The following PSMD1 variants were observed in gnomAD, a reference collection of about 807,000 sequenced individuals.
The protein encoded by PSMD1 is 26S proteasome non-ATPase regulatory subunit 1.
A neutral mutation model predicts 119.0 loss-of-function variants in PSMD1; 18 were observed. The ratio of observed to expected loss-of-function variants is 0.15; its 90% CI spans 0.10 to 0.22. PSMD1 has a LOEUF of 0.22. Among genes scored for constraint, PSMD1 ranks in the 10% least tolerant of loss-of-function variants. The probability of loss-of-function intolerance (pLI) is 1.00; values close to 1 mark genes in which losing one functional copy is unlikely to be tolerated. For synonymous variants in PSMD1, 374 were observed against 396.6 expected, an observed-to-expected ratio of 0.94 and a Z score of 0.68; for missense variants, 702 against 1,158.5, an observed-to-expected ratio of 0.61 and a Z score of 5.72.
intron 16 of PSMD1, 27 bp from the exon 17 acceptor site, chr2:231,138,709 G>A (rs1696031217): frequency 1.3e-6 from 2 of 1,537,342 alleles, no homozygotes; most frequent in East Asian, 4.5e-5. Context: ...ACCTATAACA[G>A]TGGCTTCGCT....
intron 20 of PSMD1, chr2:231,163,071 A>C (rs2125268413): frequency 6.6e-6 from 1 of 150,940 alleles, no homozygotes; most frequent in Admixed American, 6.6e-5. Flanking sequence ...TGCACTCCAG[A>C]GCCTGGGCAA....
chr2:231,080,002 TATATG>T, intron 11 of PSMD1, 134 bp from the exon 12 acceptor site: 1 of 688,876 alleles, frequency 1.5e-6, no homozygotes, highest in Non-Finnish European at 2.3e-6. Flanking sequence ...GTTATACAAT[TATATG>T]AGAGAGAGCC....
At chr2:231,133,678 T>G (rs1461644946) in intron 16 of PSMD1, 1 of 152,224 alleles carries the variant, frequency 6.6e-6, no homozygotes, top group Non-Finnish European at 1.5e-5. Context: ...TTTAGAATAG[T>G]GTTTCTGCCT....
chr2:231,071,126 C>T (rs964502946), intron 6 of PSMD1, among the ~76,000 whole-genome samples: 8 of 151,788 alleles, frequency 5.3e-5, no homozygotes, highest in East Asian at 3.9e-4. Flanking sequence ...CATAGGTTTT[C>T]GGAGTTTTGT....
chr2:231,113,608 T>C, intron 16 of PSMD1: 1 of 838,858 alleles, frequency 1.2e-6, no homozygotes, highest in Non-Finnish European at 2.1e-6. Flanking sequence ...TATGTTAATG[T>C]ATCAGTAGGC....
chr2:231,078,642 T>C lies in PSMD1; in HGVS notation c.1072-17T>C. 1 of 1,586,300 alleles carries C rather than the reference T, an allele frequency of 6.3e-7. No homozygotes were observed. Among genetic ancestry groups the C allele is most frequent in the Non-Finnish European group, 8.6e-7 (1 of 1,166,914 alleles). ...TACTTTGCCAGTGATGAAACAATTC[T>C]GTATTTGTTGTTGCAGGATGCAGTA... On this transcript the variant is annotated splice_polypyrimidine_tract_variant and intron_variant, in intron 9 of 24. Coordinates refer to ENST00000308696, the MANE Select transcript of PSMD1 (RefSeq NM_002807.4).
intron 16 of PSMD1, among the ~76,000 whole-genome samples, chr2:231,106,831 G>A (rs570684706): frequency 1.3e-5 from 2 of 152,252 alleles, no homozygotes; most frequent in South Asian, 4.1e-4. Flanking sequence ...CAACTCTGGT[G>A]TATAGATTTC....
chr2:231,089,833 A>G (rs1229010164), intron 16 of PSMD1, among the ~76,000 whole-genome samples: 1 of 152,080 alleles, frequency 6.6e-6, no homozygotes, highest in Non-Finnish European at 1.5e-5. Context: ...ATTCCCTGAG[A>G]GCTGATTAGA....
At chr2:231,083,863 T>A in intron 14 of PSMD1, 100 bp downstream of exon 14, 1 of 1,177,010 alleles carries the variant, frequency 8.5e-7, no homozygotes, top group Non-Finnish European at 1.2e-6. Context: ...AACATGTAGG[T>A]ACACTTATTC....
intron 16 of PSMD1, among the ~76,000 whole-genome samples, chr2:231,090,831 C>T (rs722040): frequency 0.49 from 74,803 of 152,028 alleles, 21,836 homozygotes; most frequent in African/African-American, 0.81. Context: ...AGAACTAGAA[C>T]TAGAAATGGA....
At chr2:231,129,953 A>T (rs988239337) in intron 16 of PSMD1, among the ~76,000 whole-genome samples, 1 of 152,094 alleles carries the variant, frequency 6.6e-6, no homozygotes, top group East Asian at 1.9e-4. Flanking sequence ...TCCCGGGTTT[A>T]AACAGTTCTC....
Position 231,098,543 on chromosome 2 carries a change from T to C in PSMD1, c.1883+11362T>C, listed in dbSNP as rs111866713. Among the ~76,000 whole-genome samples, 1,203 of 149,602 alleles carry C rather than the reference T, an allele frequency of 8.0e-3. 22 individuals carry two copies. The highest frequency in any genetic ancestry group is 0.028 in the African/African-American group (1,152 of 40,694). On this transcript the variant is annotated intron_variant, in intron 16 of 24. Transcript: ENST00000308696. ...CTTCTCTTTCTCTCTCTGCCTCTCTTTCCCCTTTCTCTTCTCTCTCTCTCT... is the reference window on the plus strand; with the variant it reads ...CTTCTCTTTCTCTCTCTGCCTCTCTCTCCCCTTTCTCTTCTCTCTCTCTCT...
At chr2:231,069,146 T>G (rs1034877031) in intron 5 of PSMD1, among the ~76,000 whole-genome samples, 6 of 150,624 alleles carry the variant, frequency 4.0e-5, no homozygotes, top group Admixed American at 6.6e-5. Context: ...GAACAAGCAG[T>G]CAAACAAATA....
At chr2:231,086,684 C>G (rs1694451456) in intron 15 of PSMD1, among the ~76,000 whole-genome samples, 1 of 152,012 alleles carries the variant, frequency 6.6e-6, no homozygotes, top group South Asian at 2.1e-4. Flanking sequence ...GAAAAGTAAC[C>G]CTGAATCTTA....
chr2:231,154,030 T>C (rs1696426459), intron 19 of PSMD1, among the ~76,000 whole-genome samples: 1 of 151,976 alleles, frequency 6.6e-6, no homozygotes, highest in African/African-American at 2.4e-5. Context: ...GGAGTATCAC[T>C]TGAACCCAGG....
intron 16 of PSMD1, among the ~76,000 whole-genome samples, chr2:231,129,568 A>G (rs983287241): frequency 3.3e-5 from 5 of 152,234 alleles, no homozygotes; most frequent in African/African-American, 4.8e-5. Flanking sequence ...ATGACAACAA[A>G]TAAATTCTCT....
At chr2:231,161,317 A>G (rs758331541) in intron 19 of PSMD1, 23 bp from the exon 20 acceptor site, 31 of 1,565,606 alleles carry the variant, frequency 2.0e-5, no homozygotes, top group Non-Finnish European at 2.5e-5. Flanking sequence ...ATTATTGTTC[A>G]TGGTTTCTCT....
rs1315495825 is a variant in PSMD1, at chr2:231,165,908, A to G, written c.2606A>G (p.Lys869Arg). The part of the protein sequence containing the change: ...AEKKEEKEKK[K>R]EPEPNFQLLD... ...AAAAAGGAGGAAAAAGAGAAGAAAAAAGAACCTGAGCCAAACTTCCAGTTA... is the reference window on the plus strand; with the variant it reads ...AAAAAGGAGGAAAAAGAGAAGAAAAGAGAACCTGAGCCAAACTTCCAGTTA... Residue 869 changes from lysine to arginine, a missense_variant, in exon 23 of 25, where the codon AAA (lysine) becomes AGA (arginine). Lys to Arg is a conservative substitution (Grantham distance 26, BLOSUM62 2). This residue lies in a region of PSMD1 where 152 missense variants were observed against 239.3 expected (regional missense o/e 0.64). Coordinates refer to ENST00000308696, the MANE Select transcript of PSMD1 (RefSeq NM_002807.4). 4 of 1,613,606 alleles carry G rather than the reference A, an allele frequency of 2.5e-6. No individual in the cohort carries two copies. The highest frequency in any genetic ancestry group is 3.4e-6 in the Non-Finnish European group (4 of 1,179,632).
chr2:231,057,133 G>A, intron 1 of PSMD1, 92 bp downstream of exon 1: 9 of 1,398,172 alleles, frequency 6.4e-6, no homozygotes, highest in Non-Finnish European at 8.3e-6. Context: ...GCGCCTCCCG[G>A]CGGAACGCCG....
Sources: gnomAD v4.1 joint callset for allele counts (sites outside exome capture counted in the v4.1 genomes callset) on GRCh38, gnomAD v4.1.1 for gene constraint, gnomAD v4.1.1 regional missense constraint, MANE v1.5 for transcripts, NCBI Gene and HGNC (gene_info 2026-07-23, HGNC 2026-07-21) for gene names.